Variants in ACAP2 observed in about 807,000 individuals in gnomAD.
ACAP2 encodes the protein ArfGAP with coiled-coil, ankyrin repeat and PH domains 2.
Under a neutral mutation model 115.8 loss-of-function variants are expected in ACAP2, and 39 were observed. The ratio of observed to expected loss-of-function variants is 0.34; its 90% CI spans 0.26 to 0.44. The LOEUF is 0.44. Ranked by LOEUF, ACAP2 falls within the 20% of genes least tolerant of loss-of-function variation. ACAP2 has a pLI of 1.00. For synonymous variants in ACAP2, 289 were observed against 315.8 expected, an observed-to-expected ratio of 0.92 and a Z score of 0.90; for missense variants, 662 against 927.6, an observed-to-expected ratio of 0.71 and a Z score of 3.72.
chr3:195,432,106 C>T (rs556691888), intron 1 of ACAP2, among the ~76,000 whole-genome samples: 10 of 152,336 alleles, frequency 6.6e-5, no homozygotes, highest in African/African-American at 2.2e-4. Flanking sequence ...AATCCCTTAA[C>T]AGGTATAATT....
In ACAP2 at chr3:195,338,228, CT is replaced by C. The variant is rs138477357; in HGVS notation, c.529-1253del. The stretch of plus-strand genomic sequence containing the variant: ...ATTCTAGTGAGACCAGGGTCTTTGC[CT>C]TATTCCCAGCTGTAGTGGCACACAC... On this transcript the variant is annotated intron_variant, in intron 6 of 22. Transcript: ENST00000326793. Among the ~76,000 whole-genome samples, 788 of 152,296 alleles carry C rather than the reference CT, an allele frequency of 5.2e-3. 5 individuals are homozygous for C. The highest frequency in any genetic ancestry group is 0.018 in the African/African-American group (750 of 41,552).
At chr3:195,343,356 T>C (rs574807914) in intron 5 of ACAP2, among the ~76,000 whole-genome samples, 1 of 152,372 alleles carries the variant, frequency 6.6e-6, no homozygotes, top group Non-Finnish European at 1.5e-5. Flanking sequence ...CGAGAGATTA[T>C]GATTCTTTAG....
chr3:195,410,031 C>A (rs1713131077), intron 1 of ACAP2, among the ~76,000 whole-genome samples: 1 of 151,836 alleles, frequency 6.6e-6, no homozygotes, highest in South Asian at 2.1e-4. Context: ...AAACTTACCA[C>A]AAAGCCACAG....
chr3:195,335,529 G>T (rs1302392811), intron 7 of ACAP2, among the ~76,000 whole-genome samples: 1 of 152,106 alleles, frequency 6.6e-6, no homozygotes, highest in Non-Finnish European at 1.5e-5. Context: ...TGTATGCCAA[G>T]ATATGAATAG....
intron 2 of ACAP2, among the ~76,000 whole-genome samples, chr3:195,383,532 A>G (rs534499342): frequency 3.9e-5 from 6 of 152,160 alleles, no homozygotes; most frequent in African/African-American, 1.4e-4. Context: ...TAAAGATTTA[A>G]ACATAAAAAC....
intron 4 of ACAP2, among the ~76,000 whole-genome samples, chr3:195,371,329 AG>A (rs772982608): frequency 6.6e-6 from 1 of 152,156 alleles, no homozygotes; most frequent in Non-Finnish European, 1.5e-5. Flanking sequence ...AACTGTGATC[AG>A]GATTGTGTTC....
intron 1 of ACAP2, among the ~76,000 whole-genome samples, chr3:195,419,747 C>A (rs1371504692): frequency 6.6e-6 from 1 of 152,132 alleles, no homozygotes; most frequent in Non-Finnish European, 1.5e-5. Context: ...ATGTAACCTA[C>A]CCAAACAGCC....
intron 2 of ACAP2, among the ~76,000 whole-genome samples, chr3:195,389,055 A>G (rs1463072075): frequency 6.6e-6 from 1 of 152,042 alleles, no homozygotes; most frequent in Non-Finnish European, 1.5e-5. Flanking sequence ...AAAAAAAAAA[A>G]AAAGAATTTG....
Position 195,345,435 on chromosome 3 carries a change from T to G in ACAP2, c.286-118A>C. The G allele has an allele frequency of 6.4e-6, 4 of 621,994 alleles. No homozygotes were observed. In the South Asian group the frequency reaches 8.5e-5, roughly 13 times the overall value. 38.5% of individuals were successfully genotyped at this position (621,994 alleles called of 1,614,324 possible). A position where few individuals can be genotyped will look rare whatever the true frequency, so the allele number is the denominator to read the frequency against. On this transcript the variant is annotated intron_variant, in intron 4 of 22. Coordinates refer to ENST00000326793, the MANE Select transcript of ACAP2 (RefSeq NM_012287.6). Reference sequence around the variant, plus strand: ...TCAATTCTAATACCGTCTATATCTCTTCTTGAAGACTACAAAAGAAATAAC... The same window carrying G: ...TCAATTCTAATACCGTCTATATCTCGTCTTGAAGACTACAAAAGAAATAAC...
chr3:195,329,002 C>T (rs113733569), intron 8 of ACAP2, among the ~76,000 whole-genome samples: 2,388 of 151,794 alleles, frequency 0.016, 54 homozygotes, highest in South Asian at 0.063. Flanking sequence ...ATGGCGTGAA[C>T]CCGGGAGGCG....
intron 4 of ACAP2, among the ~76,000 whole-genome samples, chr3:195,370,559 T>C (rs1733057054): frequency 6.6e-6 from 1 of 152,146 alleles, no homozygotes; most frequent in African/African-American, 2.4e-5. Flanking sequence ...GTTGTAGGTG[T>C]GCGGCTTTAT....
chr3:195,308,736 T>C, intron 11 of ACAP2, 50 bp downstream of exon 11: 1 of 1,452,344 alleles, frequency 6.9e-7, no homozygotes, highest in Admixed American at 1.8e-5. Flanking sequence ...CCAAAACAGA[T>C]AAATAACTGA....
intron 10 of ACAP2, among the ~76,000 whole-genome samples, chr3:195,318,606 G>C (rs1729242574): frequency 1.3e-5 from 2 of 152,210 alleles, no homozygotes; most frequent in Non-Finnish European, 2.9e-5. Context: ...ACTTCAGAGA[G>C]AGGATTTAGG....
intron 4 of ACAP2, among the ~76,000 whole-genome samples, chr3:195,378,217 G>A (rs1294833584): frequency 6.6e-6 from 1 of 152,138 alleles, no homozygotes; most frequent in Non-Finnish European, 1.5e-5. Context: ...TCTCAGCTGG[G>A]TGCAGTGGCT....
intron 1 of ACAP2, among the ~76,000 whole-genome samples, chr3:195,432,143 A>C (rs1715176580): frequency 6.6e-6 from 1 of 152,192 alleles, no homozygotes; most frequent in African/African-American, 2.4e-5. Flanking sequence ...CATTTTGTGC[A>C]TGACTTTTAA....
At chr3:195,423,480 G>T (rs779782602) in intron 1 of ACAP2, among the ~76,000 whole-genome samples, 1 of 151,998 alleles carries the variant, frequency 6.6e-6, no homozygotes, top group Non-Finnish European at 1.5e-5. Flanking sequence ...AAAATTAGCC[G>T]GGTGTGATGG....
intron 1 of ACAP2, among the ~76,000 whole-genome samples, chr3:195,392,875 CAA>C (rs1326495151): frequency 2.0e-5 from 3 of 152,154 alleles, no homozygotes; most frequent in Non-Finnish European, 4.4e-5. Context: ...GTATGTATAA[CAA>C]AATGTAATTC....
At chr3:195,345,366 A>C in intron 4 of ACAP2, 49 bp from the exon 5 acceptor site, 1 of 1,196,354 alleles carries the variant, frequency 8.4e-7, no homozygotes, top group Non-Finnish European at 1.2e-6. Flanking sequence ...AAACAAAATA[A>C]TTTTCTTATC....
chr3:195,327,004 G>A, intron 8 of ACAP2, 45 bp from the exon 9 acceptor site: 1 of 1,518,908 alleles, frequency 6.6e-7, no homozygotes, highest in Non-Finnish European at 9.1e-7. Context: ...AAAAAAGTAT[G>A]GATTAGTTTT....
Sources: allele counts gnomAD v4.1 joint callset (sites outside exome capture counted in the v4.1 genomes callset), GRCh38; gene constraint gnomAD v4.1.1; transcripts MANE v1.5; gene names NCBI Gene and HGNC (gene_info 2026-07-23, HGNC 2026-07-21).